MAPK10: variants seen among roughly 807,000 people sequenced by gnomAD.
MAPK10 encodes the protein JNK3 alpha protein kinase.
Under a neutral mutation model 59.3 loss-of-function variants are expected in MAPK10, and 25 were observed. The ratio of observed to expected loss-of-function variants is 0.42; its 90% confidence interval spans 0.31 to 0.59. MAPK10 has a LOEUF of 0.59. Among genes scored for constraint, MAPK10 ranks in the 20% least tolerant of loss-of-function variants. MAPK10 has a pLI of 0.15. For missense variants in MAPK10, 351 were observed against 568.9 expected (o/e 0.62, Z 3.90); for synonymous variants, 190 against 200.5 (o/e 0.95, Z 0.44).
At chr4:86,432,853 T>C (rs974070188) in intron 1 of MAPK10, among the ~76,000 whole-genome samples, 1 of 152,070 alleles carries the variant, frequency 6.6e-6, no homozygotes, top group East Asian at 1.9e-4. Flanking sequence ...TCAATGGAGA[T>C]GGCAAACAAA....
chr4:86,301,283 C>T (rs910219065), intron 2 of MAPK10, among the ~76,000 whole-genome samples: 4 of 151,780 alleles, frequency 2.6e-5, no homozygotes, highest in Non-Finnish European at 1.5e-5. Context: ...CCTAAAATTA[C>T]TAATGGGAAC....
chr4:86,320,789 G>A (rs1451672121), intron 2 of MAPK10, among the ~76,000 whole-genome samples: 5 of 151,934 alleles, frequency 3.3e-5, no homozygotes, highest in African/African-American at 9.7e-5. Flanking sequence ...TATGGTTTTC[G>A]GTCTAACGTT....
At chr4:86,122,360 A>T (rs544635397) in intron 4 of MAPK10, among the ~76,000 whole-genome samples, 1 of 152,254 alleles carries the variant, frequency 6.6e-6, no homozygotes, top group South Asian at 2.1e-4. Flanking sequence ...AGTATCCCCA[A>T]AAACTGTTGC....
chr4:86,435,501 A>C (rs1317503004), intron 1 of MAPK10, among the ~76,000 whole-genome samples: 4 of 151,938 alleles, frequency 2.6e-5, no homozygotes, highest in East Asian at 1.9e-4. Context: ...CCATCTCACA[A>C]AAAAAAAGGC....
At chr4:86,531,161 A>C (rs1757823364) in intron 1 of MAPK10, among the ~76,000 whole-genome samples, 1 of 152,106 alleles carries the variant, frequency 6.6e-6, no homozygotes, top group African/African-American at 2.4e-5. Context: ...TTACTAAAAA[A>C]TTTTCCTTCA....
intron 4 of MAPK10, among the ~76,000 whole-genome samples, chr4:86,146,642 G>A (rs142045171): frequency 0.013 from 1,933 of 152,266 alleles, 42 homozygotes; most frequent in African/African-American, 0.044. Flanking sequence ...GCCCTTACAC[G>A]TTACAAGATG....
chr4:86,191,553 CTTTTTTTTTTTTTTT>C (rs35357476), intron 3 of MAPK10: 11 of 30,408 alleles, frequency 3.6e-4, no homozygotes, highest in Non-Finnish European at 9.3e-4. Context: ...ACAACCCGTG[CTTTTTTTTTTTTTTT>C]TTTTTTTTTT....
rs369214929 is a variant in MAPK10, at chr4:86,517,195, A to T, written c.-263+76715T>A. On this transcript the variant is annotated intron_variant, in intron 1 of 4. Coordinates refer to the MAPK10 transcript ENST00000502302. Reference sequence around the variant, plus strand: ...CATATTTTTGTTTTTACTTCTATTTATGTGGTGTATCATATTTATTGACTT... The same window carrying T: ...CATATTTTTGTTTTTACTTCTATTTTTGTGGTGTATCATATTTATTGACTT... Among the ~76,000 whole-genome samples, 6 of 147,048 alleles carry T rather than the reference A, an allele frequency of 4.1e-5. No individual in the cohort carries two copies. The East Asian group carries it at 1.2e-3, about 30-fold the overall frequency.
At chr4:86,381,716 C>A (rs912151355) in intron 1 of MAPK10, among the ~76,000 whole-genome samples, 1 of 152,124 alleles carries the variant, frequency 6.6e-6, no homozygotes, top group African/African-American at 2.4e-5. Context: ...ACTCAGGGTC[C>A]CAACAAGAAA....
chr4:86,112,121 G>A (rs2057578933), intron 4 of MAPK10, among the ~76,000 whole-genome samples: 1 of 146,382 alleles, frequency 6.8e-6, no homozygotes, highest in South Asian at 2.3e-4. Context: ...TATTAATCTA[G>A]TTAGTGGTCT....
intron 2 of MAPK10, among the ~76,000 whole-genome samples, chr4:86,284,052 C>A (rs1017395438): frequency 6.6e-6 from 1 of 152,094 alleles, no homozygotes; most frequent in Non-Finnish European, 1.5e-5. Flanking sequence ...GAGCATGAAT[C>A]CTCCTCCTTT....
chr4:86,093,716 T>A (rs1014739977), intron 9 of MAPK10, among the ~76,000 whole-genome samples: 4 of 151,886 alleles, frequency 2.6e-5, no homozygotes, highest in African/African-American at 9.7e-5. Context: ...TCCTTGAATC[T>A]ACCTATTAAA....
intron 1 of MAPK10, among the ~76,000 whole-genome samples, chr4:86,488,941 G>T (rs942116285): frequency 6.6e-6 from 1 of 152,226 alleles, no homozygotes; most frequent in Admixed American, 6.5e-5. Context: ...CATTAGCAAA[G>T]ATGCAGCAGA....
chr4:86,173,992 G>T (rs888713776), intron 3 of MAPK10, among the ~76,000 whole-genome samples: 1 of 104,488 alleles, frequency 9.6e-6, no homozygotes, highest in Non-Finnish European at 2.0e-5. Flanking sequence ...CAAGGCTGCA[G>T]AGAAATAAGA....
chr4:86,170,412 T>C (rs149437264), intron 3 of MAPK10, among the ~76,000 whole-genome samples: 1 of 152,300 alleles, frequency 6.6e-6, no homozygotes, highest in East Asian at 1.9e-4. Context: ...GTTACAATCC[T>C]AGTCTCTGAT....
At position 86,098,347 on chromosome 4, in the gene MAPK10, A is replaced by G. The variant is rs1335375787; in HGVS notation, c.802+177T>C. ...CATTGAAATTTAATTAAAAGAAATCATTGTGGTAGGCAGTCTTCAGTACTG... is the reference window on the plus strand; with the variant it reads ...CATTGAAATTTAATTAAAAGAAATCGTTGTGGTAGGCAGTCTTCAGTACTG... On this transcript the variant is annotated intron_variant, in intron 9 of 13. Transcript: ENST00000641462. 4 of 703,574 alleles carry G rather than the reference A, an allele frequency of 5.7e-6. No homozygotes were observed. The Admixed American group carries it at 1.6e-4, about 28-fold the overall frequency. 43.6% of individuals were successfully genotyped at this position (703,574 alleles called of 1,614,324 possible). A position where few individuals can be genotyped will look rare whatever the true frequency, so the allele number is the denominator to read the frequency against.
intron 4 of MAPK10, among the ~76,000 whole-genome samples, chr4:86,116,592 T>C (rs559213319): frequency 1.3e-5 from 2 of 152,238 alleles, no homozygotes; most frequent in Admixed American, 1.3e-4. Flanking sequence ...ACTGAGAAAA[T>C]CCCACCCTGT....
At chr4:86,491,134 C>T (rs1317071548) in intron 1 of MAPK10, among the ~76,000 whole-genome samples, 2 of 151,916 alleles carry the variant, frequency 1.3e-5, no homozygotes, top group Admixed American at 6.6e-5. Flanking sequence ...GATCAGAGGC[C>T]GGAGCAAAGT....
chr4:86,104,484 C>T (rs1303931516), intron 5 of MAPK10, among the ~76,000 whole-genome samples: 1 of 152,100 alleles, frequency 6.6e-6, no homozygotes, highest in East Asian at 1.9e-4. Flanking sequence ...CTATGAAGTA[C>T]ACCTTTCATT....
Sources: allele counts gnomAD v4.1 joint callset (sites outside exome capture counted in the v4.1 genomes callset), GRCh38; gene constraint gnomAD v4.1.1; transcripts MANE v1.5; gene names NCBI Gene and HGNC (gene_info 2026-07-23, HGNC 2026-07-21).